Variants in CTH observed in about 807,000 individuals in gnomAD.
The protein encoded by CTH is cystathionine gamma-lyase, also known as cystathionase (cystathionine gamma-lyase).
Under a neutral mutation model 50.6 loss-of-function variants are expected in CTH, and 41 were observed. The ratio of observed to expected loss-of-function variants is 0.81; its 90% CI spans 0.63 to 1.05. CTH has a LOEUF of 1.05. CTH is among the 50% of genes least tolerant of loss of function. The pLI, the probability that CTH is intolerant of heterozygous loss-of-function variation, is 0.00. For synonymous variants in CTH, 156 were observed against 168.9 expected (o/e 0.92, Z 0.59); for missense variants, 470 against 492.6 (o/e 0.95, Z 0.43).
At chr1:70,429,907 C>G in intron 6 of CTH, 56 bp downstream of exon 6, 1 of 1,296,230 alleles carries the variant, frequency 7.7e-7, no homozygotes, top group Non-Finnish European at 1.1e-6. Context: ...TTGCATAGGG[C>G]TTGGCTTTTG....
intron 3 of CTH, among the ~76,000 whole-genome samples, chr1:70,420,997 A>T (rs907031952): frequency 1.3e-5 from 2 of 152,118 alleles, no homozygotes; most frequent in African/African-American, 4.8e-5. Flanking sequence ...ATGTGTAAAA[A>T]TCAAATCTAG....
In CTH at chr1:70,417,935, A is replaced by G; in HGVS notation, c.251-2A>G. 6.2e-7 allele frequency: 1 copy of G among 1,613,922 alleles called. No individual in the cohort carries two copies. The highest frequency in any genetic ancestry group is 8.5e-7 in the Non-Finnish European group (1 of 1,179,940). ...CTTACTCTAACTTGATTTTTATTTT[A>G]GGTTTGGCCTTTGCTTCAGGTTTAG... On this transcript the variant is annotated splice_acceptor_variant, in intron 2 of 11. Transcript: ENST00000370938. LOFTEE classifies it high-confidence loss of function.
intron 10 of CTH, among the ~76,000 whole-genome samples, chr1:70,435,584 A>G (rs1487430041): frequency 6.6e-6 from 1 of 151,812 alleles, no homozygotes; most frequent in Non-Finnish European, 1.5e-5. Context: ...AAACTCCTCC[A>G]TGCCCTTGAT....
At position 70,411,313 on chromosome 1, in the gene CTH, T is replaced by G. The variant is rs1399640432; in HGVS notation, c.-103T>G. ...GTCGGCTCTACCTGCGTGCTTTAGC[T>G]CCTTCTCGCCTGATCCTTCTGTCTC... On this transcript the variant is annotated 5_prime_UTR_variant, in exon 1 of 12. Transcript: ENST00000370938. 6 of 1,199,128 alleles carry G rather than the reference T, an allele frequency of 5.0e-6. No homozygotes were observed. The East Asian group carries it at 1.2e-4, about 23-fold the overall frequency. The allele number at this position is 1,199,128 out of a possible 1,614,324, so 74.3% of individuals were successfully genotyped here. A position where few individuals can be genotyped will look rare whatever the true frequency, so the allele number is the denominator to read the frequency against.
At chr1:70,427,543 G>A (rs1011532852) in intron 5 of CTH, among the ~76,000 whole-genome samples, 2 of 152,018 alleles carry the variant, frequency 1.3e-5, no homozygotes, top group Non-Finnish European at 2.9e-5. Flanking sequence ...AAGACCTTAG[G>A]CCTCACCTAC....
chr1:70,438,525 T>G (rs1684645827), intron 10 of CTH, among the ~76,000 whole-genome samples, 163 bp from the exon 11 acceptor site: 1 of 152,280 alleles, frequency 6.6e-6, no homozygotes, highest in East Asian at 1.9e-4. Context: ...CTAGAAGAGA[T>G]AAGTTTCGTA....
At chr1:70,437,545 AG>A (rs1160475430) in intron 10 of CTH, among the ~76,000 whole-genome samples, 2 of 152,294 alleles carry the variant, frequency 1.3e-5, no homozygotes, top group East Asian at 3.9e-4. Flanking sequence ...AAGGCCACAT[AG>A]GCAGTATGTG....
At chr1:70,438,060 G>T (rs969024094) in intron 10 of CTH, among the ~76,000 whole-genome samples, 2 of 152,122 alleles carry the variant, frequency 1.3e-5, no homozygotes, top group African/African-American at 2.4e-5. Flanking sequence ...AATTTTTACT[G>T]CAGTGCTTGA....
chr1:70,425,127 A>T (rs1046669753), intron 5 of CTH, among the ~76,000 whole-genome samples: 6 of 152,340 alleles, frequency 3.9e-5, no homozygotes, highest in African/African-American at 1.4e-4. Context: ...CAATGATTTC[A>T]GTATATATTA....
At chr1:70,436,117 C>T (rs1046403725) in intron 10 of CTH, among the ~76,000 whole-genome samples, 4 of 151,912 alleles carry the variant, frequency 2.6e-5, no homozygotes, top group Admixed American at 2.0e-4. Flanking sequence ...TCAAGACCAG[C>T]CTGGCCAACA....
Position 70,435,187 on chromosome 1 carries a change from G to A in CTH, c.1052+10G>A, listed in dbSNP as rs533029309. On this transcript the variant is annotated intron_variant, in intron 10 of 11. Coordinates refer to ENST00000370938, the MANE Select transcript of CTH (RefSeq NM_001902.6). ...GCCTTGCTGAGCTTCCGTAAGTATAGTTCTGTTTTTCTCAGTATTTTAAAT... is the reference window on the plus strand; with the variant it reads ...GCCTTGCTGAGCTTCCGTAAGTATAATTCTGTTTTTCTCAGTATTTTAAAT... 6.2e-7 allele frequency: 1 copy of A among 1,611,422 alleles called. No homozygotes were observed. The highest frequency in any genetic ancestry group is 1.3e-5 in the African/African-American group (1 of 74,976).
chr1:70,428,207 CAGCGGTTACT>C (rs1684389474), intron 5 of CTH, among the ~76,000 whole-genome samples: 1 of 151,928 alleles, frequency 6.6e-6, no homozygotes, highest in Non-Finnish European at 1.5e-5. Flanking sequence ...GTGAATAGAA[CAGCGGTTACT>C]AGAGTCTGGG....
In CTH at chr1:70,421,673, A is replaced by T. The variant is rs1684225346; in HGVS notation, c.454A>T (p.Lys152Ter). 6.2e-7 allele frequency: 1 copy of T among 1,613,876 alleles called. No homozygotes were observed. Among genetic ancestry groups the T allele is most frequent in the East Asian group, 2.2e-5 (1 of 44,792 alleles). ...LLEAAITPET[K>*]LVWIETPTNP... ...AGAGGCAGCAATTACACCAGAAACC[A>T]AGGTAACTCAGCTCATTTTCAGTTT... The change falls in exon 4 of 12, where the codon AAG becomes TAG. Residue 152 changes from lysine to a stop codon, truncating the protein, a stop_gained and splice_region_variant. Coordinates refer to ENST00000370938, the MANE Select transcript of CTH (RefSeq NM_001902.6). LOFTEE classifies it high-confidence loss of function.
At chr1:70,432,280 GT>G in intron 8 of CTH, 45 bp downstream of exon 8, 1 of 1,602,832 alleles carries the variant, frequency 6.2e-7, no homozygotes, top group Non-Finnish European at 8.5e-7. Flanking sequence ...GATTTCAGCA[GT>G]TATCCTGAGC....
chr1:70,423,311 C>A (rs960686962), intron 4 of CTH, among the ~76,000 whole-genome samples: 8 of 151,824 alleles, frequency 5.3e-5, no homozygotes, highest in Non-Finnish European at 1.2e-4. Context: ...GTGGCTCATG[C>A]CTGTAATACC....
At chr1:70,418,235 G>A (rs1684136395) in intron 3 of CTH, among the ~76,000 whole-genome samples, 1 of 152,108 alleles carries the variant, frequency 6.6e-6, no homozygotes, top group African/African-American at 2.4e-5. Flanking sequence ...CTGCTTATAA[G>A]AGAGATTATT....
At chr1:70,419,654 A>T (rs897378491) in intron 3 of CTH, among the ~76,000 whole-genome samples, 3 of 152,208 alleles carry the variant, frequency 2.0e-5, no homozygotes, top group Non-Finnish European at 4.4e-5. Flanking sequence ...TACATATGTA[A>T]CAAACCTGCA....
At chr1:70,433,980 G>A (rs1431606024) in intron 9 of CTH, 31 bp downstream of exon 9, 3 of 1,612,178 alleles carry the variant, frequency 1.9e-6, no homozygotes, top group Non-Finnish European at 2.5e-6. Context: ...TAAAATTGTA[G>A]GAGGTAAGGC....
At position 70,430,175 on chromosome 1, in the gene CTH, G is replaced by T. The variant is rs937046072; in HGVS notation, c.647-142G>T. On this transcript the variant is annotated intron_variant, in intron 6 of 11. Transcript: ENST00000370938. Reference sequence around the variant, plus strand: ...TTTGCTACTGTCCAGTTGAATAAAGGTTACTTAAACTTATTTTATAGAGCT... The same window carrying T: ...TTTGCTACTGTCCAGTTGAATAAAGTTTACTTAAACTTATTTTATAGAGCT... 1.1e-5 allele frequency: 7 copies of T among 652,024 alleles called. No individual in the cohort carries two copies. In the South Asian group the frequency reaches 1.1e-4, roughly 10 times the overall value. The allele number at this position is 652,024 out of a possible 1,614,324, so 40.4% of individuals were successfully genotyped here. A position where few individuals can be genotyped will look rare whatever the true frequency, so the allele number is the denominator to read the frequency against.
Sources: allele counts gnomAD v4.1 joint callset (sites outside exome capture counted in the v4.1 genomes callset), GRCh38; gene constraint gnomAD v4.1.1; transcripts MANE v1.5; gene names NCBI Gene and HGNC (gene_info 2026-07-23, HGNC 2026-07-21).